GUCA1C: variants seen among roughly 807,000 people sequenced by gnomAD.
GUCA1C encodes guanylate cyclase activator 1C.
In GUCA1C, 15 loss-of-function variants were observed where a neutral mutation model predicts 16.2. The observed-to-expected ratio is 0.93, with a 90% confidence interval of 0.62 to 1.43. GUCA1C has a LOEUF of 1.43. Among genes scored for constraint, GUCA1C ranks in the 40% most tolerant of loss-of-function variants. The pLI is 0.00. For missense variants in GUCA1C, 275 were observed against 244.8 expected (o/e 1.12, Z -0.82); for synonymous variants, 78 against 85.4 (o/e 0.91, Z 0.48).
upstream of GUCA1C, chr3:108,954,005 A>T: frequency 2.0e-6 from 1 of 499,360 alleles, no homozygotes; most frequent in Non-Finnish European, 3.6e-6. Context: ...GCAGAGACAT[A>T]GTTTTTTGTG....
At chr3:108,942,002 G>C (rs1384147402) in intron 1 of GUCA1C, among the ~76,000 whole-genome samples, 1 of 152,120 alleles carries the variant, frequency 6.6e-6, no homozygotes, top group African/African-American at 2.4e-5. Flanking sequence ...GCTCTAATTA[G>C]AGCTGTTTTT....
chr3:108,925,967 A>T (rs899362392), intron 1 of GUCA1C, among the ~76,000 whole-genome samples: 5 of 152,098 alleles, frequency 3.3e-5, no homozygotes, highest in Non-Finnish European at 5.9e-5. Flanking sequence ...GATGCCTGTA[A>T]TCCCAGCTAC....
chr3:108,917,125 A>C (rs535451927), intron 2 of GUCA1C, among the ~76,000 whole-genome samples: 197 of 152,324 alleles, frequency 1.3e-3, no homozygotes, highest in African/African-American at 4.5e-3. Flanking sequence ...TCTCATGGTT[A>C]AATATAGGAC....
At chr3:108,933,335 T>C (rs1409653760) in intron 1 of GUCA1C, among the ~76,000 whole-genome samples, 1 of 151,824 alleles carries the variant, frequency 6.6e-6, no homozygotes, top group Non-Finnish European at 1.5e-5. Flanking sequence ...AAATATAAAA[T>C]AATTTTAACC....
intron 1 of GUCA1C, among the ~76,000 whole-genome samples, chr3:108,939,016 A>G (rs1016548680): frequency 1.3e-5 from 2 of 152,212 alleles, no homozygotes; most frequent in Non-Finnish European, 2.9e-5. Context: ...TGAATACTAT[A>G]GTTAATTACT....
intron 1 of GUCA1C, among the ~76,000 whole-genome samples, chr3:108,942,700 C>A (rs1946799405): frequency 6.6e-6 from 1 of 152,202 alleles, no homozygotes; most frequent in Non-Finnish European, 1.5e-5. Flanking sequence ...AGAGTTAGTA[C>A]AATGTGAGGG....
intron 3 of GUCA1C, among the ~76,000 whole-genome samples, chr3:108,913,970 G>A (rs931291353): frequency 6.6e-6 from 1 of 152,018 alleles, no homozygotes; most frequent in African/African-American, 2.4e-5. Flanking sequence ...GGAGATTGAG[G>A]CAGAAGAATT....
rs1481482573 is a variant in GUCA1C at position 108,907,921 on chromosome 3, T to C, written c.*101A>G. On this transcript the variant is annotated 3_prime_UTR_variant, in exon 4 of 4. Transcript: ENST00000261047. Reference sequence around the variant, plus strand: ...TATATTCACAAGCCTATATGAATTATAACAAAGACCTGAAATCAACAGCAT... The same window carrying C: ...TATATTCACAAGCCTATATGAATTACAACAAAGACCTGAAATCAACAGCAT... 6.1e-6 allele frequency: 5 copies of C among 815,400 alleles called. No homozygotes were observed. The East Asian group carries it at 7.7e-5, about 13-fold the overall frequency. 50.5% of individuals were successfully genotyped at this position (815,400 alleles called of 1,614,324 possible). A position where few individuals can be genotyped will look rare whatever the true frequency, so the allele number is the denominator to read the frequency against.
chr3:108,909,897 C>T (rs13067866), intron 3 of GUCA1C, among the ~76,000 whole-genome samples: 93,269 of 151,978 alleles, frequency 0.61, 30,527 homozygotes, highest in African/African-American at 0.84. Flanking sequence ...TGAAATTTTC[C>T]TCAGTTTCCC....
At chr3:108,930,595 C>G (rs1946658223) in intron 1 of GUCA1C, among the ~76,000 whole-genome samples, 1 of 152,158 alleles carries the variant, frequency 6.6e-6, no homozygotes, top group Non-Finnish European at 1.5e-5. Context: ...GATAAGAAAA[C>G]ATTTCAAAGT....
At chr3:108,953,989 A>G (rs1576560781), upstream of GUCA1C, 2 of 531,104 alleles carry the variant, frequency 3.8e-6, no homozygotes, top group Non-Finnish European at 6.7e-6. Context: ...ACATGCTTAC[A>G]GTCATGCAGA....
chr3:108,938,776 T>A (rs1190826345), intron 1 of GUCA1C, among the ~76,000 whole-genome samples: 5 of 152,212 alleles, frequency 3.3e-5, no homozygotes. Context: ...GATCACACAC[T>A]GTTGTTCTTG....
intron 1 of GUCA1C, among the ~76,000 whole-genome samples, chr3:108,937,800 C>T (rs535124993): frequency 2.2e-4 from 34 of 152,212 alleles, no homozygotes; most frequent in Admixed American, 1.1e-3. Context: ...GAGGGGAACG[C>T]GGTGGCTCAA....
chr3:108,955,175 T>C (rs967942212), upstream of GUCA1C, among the ~76,000 whole-genome samples: 1 of 152,214 alleles, frequency 6.6e-6, no homozygotes, highest in African/African-American at 2.4e-5. Context: ...TCCTAAGAAG[T>C]AGCCATCATG....
intron 1 of GUCA1C, among the ~76,000 whole-genome samples, chr3:108,950,094 A>G (rs1346185480): frequency 6.6e-6 from 1 of 152,164 alleles, no homozygotes; most frequent in Non-Finnish European, 1.5e-5. Flanking sequence ...CTCTGCTTCT[A>G]TGAGCTTGAC....
At chr3:108,925,403 T>G (rs1373696835) in intron 1 of GUCA1C, among the ~76,000 whole-genome samples, 1 of 152,214 alleles carries the variant, frequency 6.6e-6, no homozygotes, top group Non-Finnish European at 1.5e-5. Flanking sequence ...TGAAGCAGGT[T>G]ATTTAATTTC....
rs56253835 is a variant in GUCA1C, at chr3:108,923,640, T to G, written c.205-3055A>C. ...CTTGATTTAGCTATGCAGGCTTTTT[T>G]TTGTTGTTGTTCCATATGAATTTTA... is the stretch of plus-strand genomic sequence containing the variant. On this transcript the variant is annotated intron_variant, in intron 1 of 3. Transcript: ENST00000261047. Among the ~76,000 whole-genome samples, 1,219 of 152,302 alleles carry G rather than the reference T, an allele frequency of 8.0e-3. 9 individuals carry two copies. The highest frequency in any genetic ancestry group is 0.058 in the Middle Eastern group (17 of 294).
chr3:108,908,831 C>T (rs1194557761), intron 3 of GUCA1C, among the ~76,000 whole-genome samples: 2 of 152,182 alleles, frequency 1.3e-5, no homozygotes, highest in Admixed American at 6.5e-5. Context: ...CCATGTTTTT[C>T]TACTACCTTC....
At chr3:108,942,354 C>T (rs13084837) in intron 1 of GUCA1C, among the ~76,000 whole-genome samples, 3,862 of 152,296 alleles carry the variant, frequency 0.025, 81 homozygotes, top group Middle Eastern at 0.11. Flanking sequence ...GTCCATCGCT[C>T]AACCTCTGCT....
Sources: allele counts gnomAD v4.1 joint callset (sites outside exome capture counted in the v4.1 genomes callset), GRCh38; gene constraint gnomAD v4.1.1; transcripts MANE v1.5; gene names NCBI Gene and HGNC (gene_info 2026-07-23, HGNC 2026-07-21).